Variants in ENTREP1 observed in about 807,000 individuals in gnomAD.
The protein encoded by ENTREP1 is endosomal transmembrane epsin interactor 1.
chr9:69,367,672 C>CATATATATAAATATATATATACACACAT, the ENTREP1 span, among the ~76,000 whole-genome samples: 270 of 113,474 alleles, frequency 2.4e-3, 87 homozygotes, highest in African/African-American at 6.9e-3. Flanking sequence ...TATATACACA[C>CATATATATAAATATATATATACACACAT]ATATATAAAT....
At chr9:69,335,876 G>A in the ENTREP1 span, among the ~76,000 whole-genome samples, 2 of 152,268 alleles carry the variant, frequency 1.3e-5, no homozygotes, top group Non-Finnish European at 2.9e-5. Flanking sequence ...CCTAGCTACT[G>A]GAGAGGCAGA....
the ENTREP1 span, chr9:69,380,945 G>A: frequency 6.6e-6 from 1 of 152,250 alleles, no homozygotes. Context: ...GTGCTCAGCT[G>A]TAGAGGGTTG....
the ENTREP1 span, among the ~76,000 whole-genome samples, chr9:69,327,634 G>GA: frequency 9.3e-5 from 14 of 150,540 alleles, no homozygotes; most frequent in South Asian, 8.5e-4. Flanking sequence ...GAAAAGAAAA[G>GA]AAAAAAAAAG....
At chr9:69,369,903 C>T in the ENTREP1 span, among the ~76,000 whole-genome samples, 13 of 152,060 alleles carry the variant, frequency 8.5e-5, 1 homozygote, top group Admixed American at 6.6e-5. Flanking sequence ...GGCTGCTTGT[C>T]TCTTTATTAT....
At chr9:69,360,168 T>C in the ENTREP1 span, among the ~76,000 whole-genome samples, 1 of 152,246 alleles carries the variant, frequency 6.6e-6, no homozygotes, top group Non-Finnish European at 1.5e-5. Context: ...GCTTTAAATT[T>C]AGTTTTTCCA....
At chr9:69,344,155 T>G in the ENTREP1 span, among the ~76,000 whole-genome samples, 1 of 152,224 alleles carries the variant, frequency 6.6e-6, no homozygotes, top group Non-Finnish European at 1.5e-5. Flanking sequence ...AATTCTCAAA[T>G]TATTAATGAT....
the ENTREP1 span, among the ~76,000 whole-genome samples, chr9:69,352,545 G>A: frequency 2.0e-5 from 3 of 152,084 alleles, no homozygotes; most frequent in East Asian, 3.9e-4. Context: ...TGTACTAATC[G>A]ACTAATCACA....
the ENTREP1 span, among the ~76,000 whole-genome samples, chr9:69,326,163 A>G: frequency 4.3e-3 from 657 of 152,198 alleles, 5 homozygotes; most frequent in African/African-American, 0.015. Context: ...TAGTAGGTGT[A>G]TTTGTGAGAT....
the ENTREP1 span, among the ~76,000 whole-genome samples, chr9:69,364,158 A>G: frequency 6.6e-5 from 10 of 152,224 alleles, no homozygotes; most frequent in Admixed American, 5.9e-4. Flanking sequence ...AACACTGTGT[A>G]CATTGTATTT....
chr9:69,364,371 C>T, the ENTREP1 span, among the ~76,000 whole-genome samples: 2 of 134,906 alleles, frequency 1.5e-5, no homozygotes, highest in East Asian at 2.1e-4. Context: ...TCAAGAGAAA[C>T]TCCGATCCCC....
the ENTREP1 span, chr9:69,392,062 A>G: frequency 5.7e-6 from 3 of 528,854 alleles, no homozygotes; most frequent in Non-Finnish European, 1.0e-5. Flanking sequence ...TGGGCCTCGC[A>G]GCATTCCCAA....
At chr9:69,341,810 TTGAAA>T in the ENTREP1 span, among the ~76,000 whole-genome samples, 1 of 152,100 alleles carries the variant, frequency 6.6e-6, no homozygotes, top group Non-Finnish European at 1.5e-5. Context: ...TTTCAATAAA[TTGAAA>T]TGAACCCTTG....
the ENTREP1 span, chr9:69,377,870 G>A: frequency 2.7e-6 from 3 of 1,091,942 alleles, no homozygotes; most frequent in African/African-American, 4.8e-5. Flanking sequence ...AATTTTTCCT[G>A]ACTTGAGGAA....
the ENTREP1 span, chr9:69,383,593 T>C: frequency 6.2e-7 from 1 of 1,613,112 alleles, no homozygotes; most frequent in Non-Finnish European, 8.5e-7. Flanking sequence ...GGCCAGTCTG[T>C]AGAACGTGCT....
the ENTREP1 span, among the ~76,000 whole-genome samples, chr9:69,331,442 C>A: frequency 0.88 from 133,253 of 152,152 alleles, 58,586 homozygotes; most frequent in African/African-American, 0.95. Context: ...TCTTTGCAGT[C>A]TCAGAAAAAA....
chr9:69,327,034 G>A, the ENTREP1 span, among the ~76,000 whole-genome samples: 16 of 148,892 alleles, frequency 1.1e-4, no homozygotes, highest in Admixed American at 1.1e-3. Context: ...AGGACTCGAA[G>A]AACTAATTGA....
the ENTREP1 span, among the ~76,000 whole-genome samples, chr9:69,385,330 T>A: frequency 2.3e-4 from 35 of 152,230 alleles, no homozygotes; most frequent in Non-Finnish European, 4.6e-4. Context: ...ATTTGTTTAG[T>A]GGCCACTTGA....
chr9:69,362,749 C>T, the ENTREP1 span, among the ~76,000 whole-genome samples: 1 of 152,066 alleles, frequency 6.6e-6, no homozygotes, highest in Admixed American at 6.6e-5. Context: ...TGGGTGGGCA[C>T]CATCTAATCG....
At chr9:69,355,370 C>T in the ENTREP1 span, among the ~76,000 whole-genome samples, 2 of 152,130 alleles carry the variant, frequency 1.3e-5, no homozygotes. Flanking sequence ...TTTATTGGTT[C>T]TTTACTTGTC....
Sources: gnomAD v4.1 joint callset for allele counts (sites outside exome capture counted in the v4.1 genomes callset) on GRCh38, gnomAD v4.1.1 for gene constraint, MANE v1.5 for transcripts, NCBI Gene and HGNC (gene_info 2026-07-23, HGNC 2026-07-21) for gene names.